The following XPO6 variants were observed in gnomAD, a reference collection of about 807,000 sequenced individuals.
XPO6 encodes exportin 6.
In XPO6, 3 loss-of-function variants were observed where a neutral mutation model predicts 130.0. The ratio of observed to expected loss-of-function variants is 0.02; its 90% confidence interval spans 0.01 to 0.06. The LOEUF (loss-of-function observed/expected upper bound fraction) is 0.06. XPO6 is among the 10% of genes least tolerant of loss of function. The pLI is 1.00. For missense variants in XPO6, 970 were observed against 1,393.0 expected, an observed-to-expected ratio of 0.70 and a Z score of 4.83; for synonymous variants, 524 against 548.9, an observed-to-expected ratio of 0.95 and a Z score of 0.63.
chr16:28,104,384 T>G (rs1056199213), intron 21 of XPO6, among the ~76,000 whole-genome samples, 162 bp downstream of exon 21: 1 of 152,218 alleles, frequency 6.6e-6, no homozygotes, highest in Non-Finnish European at 1.5e-5. Flanking sequence ...AGCTCCACTT[T>G]GCAGATGAAG....
At chr16:28,099,071 CTCT>C (rs2086595291) in intron 23 of XPO6, among the ~76,000 whole-genome samples, 1 of 152,232 alleles carries the variant, frequency 6.6e-6, no homozygotes, top group Non-Finnish European at 1.5e-5. Flanking sequence ...GGTGACAGCC[CTCT>C]TCTTCACCAT....
Position 28,162,388 on chromosome 16 carries a change from C to G in XPO6, c.643+4120G>C, listed in dbSNP as rs562060934. Reference sequence around the variant, plus strand: ...ACAGATTCTGCTTCATGCAGCAGCACTTCCAATGCAAACCTAAGAGAGCTT... The same window carrying G: ...ACAGATTCTGCTTCATGCAGCAGCAGTTCCAATGCAAACCTAAGAGAGCTT... On this transcript the variant is annotated intron_variant, in intron 6 of 23. Coordinates refer to ENST00000304658, the MANE Select transcript of XPO6 (RefSeq NM_015171.4). Among the ~76,000 whole-genome samples, 242 of 152,318 alleles carry G rather than the reference C, an allele frequency of 1.6e-3. 1 individual carries two copies. The highest frequency in any genetic ancestry group is 8.1e-3 in the South Asian group (39 of 4,832).
intron 9 of XPO6, among the ~76,000 whole-genome samples, chr16:28,138,965 G>A (rs981560079): frequency 6.6e-6 from 1 of 152,174 alleles, no homozygotes; most frequent in Non-Finnish European, 1.5e-5. Context: ...TGACAAAGGT[G>A]TTGGAATTAT....
chr16:28,112,146 G>T (rs2086939903), intron 16 of XPO6, 140 bp from the exon 17 acceptor site: 6 of 940,270 alleles, frequency 6.4e-6, no homozygotes, highest in Non-Finnish European at 9.4e-6. Context: ...CCTGGGCAAG[G>T]CCTTTGGTCC....
chr16:28,161,629 A>G (rs576056195), intron 6 of XPO6, among the ~76,000 whole-genome samples: 66 of 152,334 alleles, frequency 4.3e-4, no homozygotes, highest in South Asian at 1.5e-3. Context: ...AACAGCCACC[A>G]TCTGCTGTGT....
chr16:28,155,579 T>C (rs959500098), intron 7 of XPO6: 1 of 157,886 alleles, frequency 6.3e-6, no homozygotes, highest in African/African-American at 2.4e-5. Context: ...TGATGAAAAC[T>C]TGCCATTGGT....
At chr16:28,201,405 G>A (rs998022412) in intron 1 of XPO6, among the ~76,000 whole-genome samples, 4 of 152,086 alleles carry the variant, frequency 2.6e-5, no homozygotes, top group Non-Finnish European at 4.4e-5. Flanking sequence ...CTAAAGAGGC[G>A]AAGCAGAGTA....
intron 8 of XPO6, chr16:28,146,452 A>G (rs1458756138): frequency 1.9e-5 from 7 of 372,960 alleles, no homozygotes; most frequent in Non-Finnish European, 3.4e-5. Context: ...GAGTTATAAA[A>G]TAAGTCAAGC....
Position 28,132,394 on chromosome 16 carries a change from G to A in XPO6, c.1546C>T (p.Leu516Phe). 6.2e-7 allele frequency: 1 copy of A among 1,601,206 alleles called. No individual in the cohort carries two copies. The change falls in exon 12 of 24, where the codon CTT (leucine) becomes TTT (phenylalanine). Residue 516 changes from leucine (L) to phenylalanine (F), a missense_variant. Physicochemically the swap from Leu to Phe is conservative, Grantham distance 22. This residue lies in a region of XPO6 where 936 missense variants were observed against 1,306.8 expected (regional missense o/e 0.72). Coordinates refer to ENST00000304658, the MANE Select transcript of XPO6 (RefSeq NM_015171.4). This position sits in a 1 kb window ranked among gnomAD's most constrained non-coding sequence, Gnocchi z 4.0. ...THAFSTLFPV[L>F]QDNLEVYLGL... ...AAATAAACTTCTAAATTGTCCTGAA[G>A]AACAGGGAACTGAAAACAAAGAAAC...
chr16:28,107,066 T>C (rs1204888714), intron 18 of XPO6, among the ~76,000 whole-genome samples: 2 of 152,230 alleles, frequency 1.3e-5, no homozygotes, highest in Non-Finnish European at 1.5e-5. Context: ...CGCAATCTGC[T>C]TGCAAGAGGC....
rs577572058 is a variant in XPO6 at position 28,166,051 on chromosome 16, AGTCTCCACTATGCAGGCAGAGAG to A, written c.643+434_643+456del. Reference sequence around the variant, plus strand: ...GTTGATTCAATGCTAACTACTGCATAGTCTCCACTATGCAGGCAGAGAGGTCTCCACTATGCAGGCAGAGAGGT... The same window carrying A: ...GTTGATTCAATGCTAACTACTGCATAGTCTCCACTATGCAGGCAGAGAGGT... On this transcript the variant is annotated intron_variant, in intron 6 of 23. Coordinates refer to ENST00000304658, the MANE Select transcript of XPO6 (RefSeq NM_015171.4). Among the ~76,000 whole-genome samples, 27 of 152,204 alleles carry A rather than the reference AGTCTCCACTATGCAGGCAGAGAG, an allele frequency of 1.8e-4. No homozygotes were observed. In the East Asian group the frequency reaches 3.5e-3, roughly 20 times the overall value.
At chr16:28,149,061 A>T (rs1490175429) in intron 8 of XPO6, among the ~76,000 whole-genome samples, 1 of 149,756 alleles carries the variant, frequency 6.7e-6, no homozygotes, top group Non-Finnish European at 1.5e-5. Flanking sequence ...AAGAAAATAA[A>T]AAAAAAAAAA....
chr16:28,112,056 G>A, intron 16 of XPO6, 50 bp from the exon 17 acceptor site: 1 of 1,553,332 alleles, frequency 6.4e-7, no homozygotes, highest in Non-Finnish European at 8.7e-7. Flanking sequence ...CAAAGACCGT[G>A]GTGCGGCATG....
At chr16:28,129,493 T>C (rs532503853) in intron 12 of XPO6, among the ~76,000 whole-genome samples, 6 of 152,126 alleles carry the variant, frequency 3.9e-5, no homozygotes, top group African/African-American at 1.2e-4. Flanking sequence ...CAAAACATCA[T>C]GGCCACACAA....
At chr16:28,135,137 GC>G in intron 10 of XPO6, 78 bp downstream of exon 10, 1 of 1,177,232 alleles carries the variant, frequency 8.5e-7, no homozygotes, top group Non-Finnish European at 1.2e-6. Flanking sequence ...GGAGCAGAGG[GC>G]TCTGGGTTCC....
At chr16:28,164,775 G>C (rs1221837043) in intron 6 of XPO6, among the ~76,000 whole-genome samples, 1 of 152,180 alleles carries the variant, frequency 6.6e-6, no homozygotes, top group Non-Finnish European at 1.5e-5. Flanking sequence ...GGAAAACAGA[G>C]CCTATCAAAG....
At chr16:28,117,822 G>T (rs908211375) in intron 14 of XPO6, among the ~76,000 whole-genome samples, 3 of 152,174 alleles carry the variant, frequency 2.0e-5, no homozygotes, top group Non-Finnish European at 4.4e-5. Flanking sequence ...ATTCCTAGCT[G>T]CAGACTAAAG....
chr16:28,211,373 G>A lies in XPO6; in HGVS notation c.-5C>T. The A allele has an allele frequency of 4.6e-6, 6 of 1,312,524 alleles. No individual in the cohort carries two copies. The highest frequency in any genetic ancestry group is 4.9e-6 in the Non-Finnish European group (5 of 1,021,658). The allele number at this position is 1,312,524 out of a possible 1,614,324, so 81.3% of individuals were successfully genotyped here. Reference sequence around the variant, plus strand: ...GGCTCCAATTCCACTTACCATGCTGGCCGGGGAGGGGGCGGCTCAGATGAG... The same window carrying A: ...GGCTCCAATTCCACTTACCATGCTGACCGGGGAGGGGGCGGCTCAGATGAG... On this transcript the variant is annotated 5_prime_UTR_variant, in exon 1 of 24. Coordinates refer to ENST00000304658, the MANE Select transcript of XPO6 (RefSeq NM_015171.4).
At chr16:28,102,942 G>A (rs763377729) in intron 21 of XPO6, among the ~76,000 whole-genome samples, 2 of 152,126 alleles carry the variant, frequency 1.3e-5, no homozygotes, top group Non-Finnish European at 2.9e-5. Context: ...AGCTACCAGA[G>A]GAGGATCTTG....
Sources: allele counts gnomAD v4.1 joint callset (sites outside exome capture counted in the v4.1 genomes callset), GRCh38; gene constraint gnomAD v4.1.1; regional missense constraint gnomAD v4.1.1; non-coding constraint Gnocchi (gnomAD v3.1); transcripts MANE v1.5; gene names NCBI Gene and HGNC (gene_info 2026-07-23, HGNC 2026-07-21).